The following NCKAP5 variants were observed in gnomAD, a reference collection of about 807,000 sequenced individuals.
The protein encoded by NCKAP5 is NCK associated protein 5.
NCKAP5 carries 92 observed loss-of-function variants against 167.0 expected under a neutral mutation model. The ratio of observed to expected loss-of-function variants is 0.55; its 90% CI spans 0.47 to 0.66. NCKAP5 has a LOEUF of 0.66. Among genes scored for constraint, NCKAP5 ranks in the 30% least tolerant of loss-of-function variants. The pLI, the probability that NCKAP5 is intolerant of heterozygous loss-of-function variation, is 0.00. For missense variants in NCKAP5, 2,378 were observed against 2,315.0 expected, an observed-to-expected ratio of 1.03 and a Z score of -0.56; for synonymous variants, 891 against 877.4, an observed-to-expected ratio of 1.02 and a Z score of -0.27.
At chr2:133,202,170 A>G (rs1160984975) in intron 5 of NCKAP5, among the ~76,000 whole-genome samples, 1 of 152,302 alleles carries the variant, frequency 6.6e-6, no homozygotes, top group Admixed American at 6.5e-5. Flanking sequence ...ACAGCATGGT[A>G]CTGGTACCAC....
chr2:132,835,861 A>G (rs6729872), intron 11 of NCKAP5, among the ~76,000 whole-genome samples: 165 of 152,274 alleles, frequency 1.1e-3, no homozygotes, highest in African/African-American at 3.2e-3. Flanking sequence ...TTGGGGGCCT[A>G]CCTTCTACCC....
chr2:133,256,156 G>T (rs943069835), intron 4 of NCKAP5, among the ~76,000 whole-genome samples: 1 of 152,068 alleles, frequency 6.6e-6, no homozygotes, highest in Non-Finnish European at 1.5e-5. Context: ...TTAGTTTGGG[G>T]TTAATGGTAC....
chr2:132,990,998 C>T (rs1366947007), intron 7 of NCKAP5, among the ~76,000 whole-genome samples: 8 of 152,160 alleles, frequency 5.3e-5, no homozygotes, highest in African/African-American at 1.9e-4. Flanking sequence ...GGCCCAGGTT[C>T]AGATCTCAGC....
chr2:133,289,768 C>T (rs1347133183), intron 4 of NCKAP5, among the ~76,000 whole-genome samples: 1 of 151,854 alleles, frequency 6.6e-6, no homozygotes, highest in Non-Finnish European at 1.5e-5. Flanking sequence ...GTGATTTATA[C>T]AGAAAAAAAC....
intron 3 of NCKAP5, among the ~76,000 whole-genome samples, chr2:133,510,176 G>A (rs529340043): frequency 2.6e-4 from 39 of 152,170 alleles, no homozygotes; most frequent in African/African-American, 8.2e-4. Flanking sequence ...CCCAGCAGAG[G>A]GAATGTGCAG....
chr2:133,007,762 T>A (rs1276216221), intron 6 of NCKAP5, among the ~76,000 whole-genome samples: 2 of 152,128 alleles, frequency 1.3e-5, no homozygotes, highest in East Asian at 3.9e-4. Flanking sequence ...AAGATTATAA[T>A]CTTCATATCA....
chr2:132,673,704 GT>G (rs1011329019), intron 19 of NCKAP5, among the ~76,000 whole-genome samples: 12 of 152,000 alleles, frequency 7.9e-5, no homozygotes, highest in African/African-American at 2.7e-4. Flanking sequence ...ATGGTAATAT[GT>G]TTTTTTCTAA....
chr2:132,845,607 C>T (rs922498771), intron 11 of NCKAP5, among the ~76,000 whole-genome samples: 3 of 151,176 alleles, frequency 2.0e-5, no homozygotes, highest in African/African-American at 7.3e-5. Context: ...GCCTTTTAGA[C>T]TTCTCCTCCC....
At chr2:132,739,293 T>C (rs1186158260) in intron 16 of NCKAP5, among the ~76,000 whole-genome samples, 1 of 152,200 alleles carries the variant, frequency 6.6e-6, no homozygotes, top group Non-Finnish European at 1.5e-5. Context: ...AAACTCTTGG[T>C]ATTATTAACG....
At chr2:133,071,395 A>C (rs898506247) in intron 6 of NCKAP5, among the ~76,000 whole-genome samples, 11 of 152,154 alleles carry the variant, frequency 7.2e-5, no homozygotes, top group African/African-American at 2.7e-4. Context: ...CAGTGAGCCG[A>C]GATCCCGCCA....
At chr2:133,498,432 AC>A (rs1682137727) in intron 3 of NCKAP5, among the ~76,000 whole-genome samples, 2 of 134,450 alleles carry the variant, frequency 1.5e-5, no homozygotes, top group African/African-American at 5.9e-5. Flanking sequence ...AATGAGAAAA[AC>A]GGAAGGAAGG....
intron 3 of NCKAP5, among the ~76,000 whole-genome samples, chr2:133,481,849 G>T (rs1326833522): frequency 6.6e-6 from 1 of 152,092 alleles, no homozygotes; most frequent in African/African-American, 2.4e-5. Flanking sequence ...GGTCATTTAG[G>T]TTGATTCCGT....
rs1388660840 is a variant in NCKAP5 at position 133,384,035 on chromosome 2, T to G, written c.70-80925A>C. ...TGTTCACTCTGATGGTAGTTTCTTT[T>G]GCTGTGCAGAAGCTCTTTAGTTTAA... On this transcript the variant is annotated intron_variant, in intron 3 of 19. Transcript: ENST00000409261. Among the ~76,000 whole-genome samples, 5 of 152,328 alleles carry G rather than the reference T, an allele frequency of 3.3e-5. No individual in the cohort carries two copies. In the East Asian group the frequency reaches 9.6e-4, roughly 29 times the overall value.
At chr2:133,446,066 G>C (rs375842941) in intron 3 of NCKAP5, among the ~76,000 whole-genome samples, 2 of 152,278 alleles carry the variant, frequency 1.3e-5, no homozygotes, top group East Asian at 3.9e-4. Context: ...CTTGCAAAGA[G>C]AGGAGGTGAG....
intron 11 of NCKAP5, among the ~76,000 whole-genome samples, chr2:132,819,519 C>T (rs539861781): frequency 6.6e-5 from 10 of 152,250 alleles, no homozygotes; most frequent in African/African-American, 1.9e-4. Context: ...TCACCCTTTG[C>T]CTGTAGGAGG....
At chr2:132,907,715 T>C (rs1694112489) in intron 8 of NCKAP5, among the ~76,000 whole-genome samples, 2 of 152,118 alleles carry the variant, frequency 1.3e-5, no homozygotes, top group African/African-American at 4.8e-5. Context: ...TGGAGTTCAG[T>C]GGCACGATCT....
At position 132,978,558 on chromosome 2, in the gene NCKAP5, TC is replaced by T. The variant is rs147020786; in HGVS notation, c.430-14690del. Among the ~76,000 whole-genome samples the T allele has an allele frequency of 7.6e-3, 1,150 of 152,262 alleles. 13 individuals carry two copies. Among genetic ancestry groups the T allele is most frequent in the African/African-American group, 0.026 (1,067 of 41,540 alleles). Reference sequence around the variant, plus strand: ...CAGTGACTTCAAATTACCTGTCTTGTCTTCTATTCCTCCTCCTGAGCACCTA... The same window carrying T: ...CAGTGACTTCAAATTACCTGTCTTGTTTCTATTCCTCCTCCTGAGCACCTA... On this transcript the variant is annotated intron_variant, in intron 7 of 19. Coordinates refer to ENST00000409261, the MANE Select transcript of NCKAP5 (RefSeq NM_207363.3).
intron 2 of NCKAP5, among the ~76,000 whole-genome samples, chr2:133,535,310 T>C (rs1446924304): frequency 6.6e-6 from 1 of 152,108 alleles, no homozygotes; most frequent in East Asian, 1.9e-4. Flanking sequence ...CCTTTGGAGT[T>C]CTCGGTGTCT....
intron 3 of NCKAP5, among the ~76,000 whole-genome samples, chr2:133,309,023 TCTTAAA>T (rs1183714011): frequency 4.6e-5 from 7 of 152,158 alleles, no homozygotes; most frequent in Non-Finnish European, 1.0e-4. Context: ...GAAATACAAT[TCTTAAA>T]CTTTGTAAAG....
Sources: gnomAD v4.1 joint callset for allele counts (sites outside exome capture counted in the v4.1 genomes callset) on GRCh38, gnomAD v4.1.1 for gene constraint, MANE v1.5 for transcripts, NCBI Gene and HGNC (gene_info 2026-07-23, HGNC 2026-07-21) for gene names.